YTHDC2: variants seen among roughly 807,000 people sequenced by gnomAD.
The protein encoded by YTHDC2 is YTH N6-methyladenosine RNA binding protein C2.
A neutral mutation model predicts 174.9 loss-of-function variants in YTHDC2; 45 were observed. The ratio of observed to expected loss-of-function variants is 0.26; its 90% CI spans 0.20 to 0.33. The LOEUF is 0.33. YTHDC2 is among the 10% of genes least tolerant of loss of function. The probability of loss-of-function intolerance (pLI) is 1.00; values close to 1 mark genes in which losing one functional copy is unlikely to be tolerated. For missense variants in YTHDC2, 1,650 were observed against 1,723.7 expected (o/e 0.96, Z 0.76); for synonymous variants, 657 against 574.5 (o/e 1.14, Z -2.05).
At chr5:113,573,686 A>G (rs1488838369) in intron 23 of YTHDC2, among the ~76,000 whole-genome samples, 1 of 151,416 alleles carries the variant, frequency 6.6e-6, no homozygotes, top group Non-Finnish European at 1.5e-5. Context: ...TTTTTTCTCT[A>G]TTCTTGTCTG....
chr5:113,556,336 C>T, intron 17 of YTHDC2: 2 of 372,614 alleles, frequency 5.4e-6, no homozygotes, highest in Non-Finnish European at 9.6e-6. Context: ...AAAACTTTTG[C>T]CTAGTTAAAT....
intron 23 of YTHDC2, among the ~76,000 whole-genome samples, chr5:113,572,807 T>C (rs1429623214): frequency 1.3e-5 from 2 of 152,176 alleles, no homozygotes; most frequent in Non-Finnish European, 2.9e-5. Flanking sequence ...TCCATTTGCT[T>C]GGTAAATTTT....
chr5:113,575,087 G>A (rs754877452), intron 23 of YTHDC2, among the ~76,000 whole-genome samples: 86 of 152,294 alleles, frequency 5.6e-4, no homozygotes, highest in Admixed American at 5.2e-4. Context: ...CCGAATGTGA[G>A]AACCTGGATA....
chr5:113,515,170 T>G (rs1773319049), intron 1 of YTHDC2, 102 bp from the exon 2 acceptor site: 1 of 686,260 alleles, frequency 1.5e-6, no homozygotes, highest in African/African-American at 1.8e-5. Flanking sequence ...TATAATAAAT[T>G]TGATTGTCTA....
Position 113,513,973 on chromosome 5 carries a change from C to T in YTHDC2, c.78C>T (p.Gly26=), listed in dbSNP as rs1159866035. 1.9e-6 allele frequency: 3 copies of T among 1,602,670 alleles called. No individual in the cohort carries two copies. Among genetic ancestry groups the T allele is most frequent in the East Asian group, 2.2e-5 (1 of 44,546 alleles). The stretch of plus-strand genomic sequence containing the variant: ...GAGGCGGCGGCCCCTCGCCTTGTGG[C>T]CCTGGGGGCGGCGGCCGGGCCAAGG... ...GGGGGGPSPC[G]PGGGGRAKGL... is the part of the protein sequence containing the mutation. Residue 26 remains glycine (G), a synonymous_variant, in exon 1 of 30, where the codon GGC becomes GGT. Coordinates refer to ENST00000161863, the MANE Select transcript of YTHDC2 (RefSeq NM_022828.5).
At chr5:113,516,548 T>C (rs899950854) in intron 2 of YTHDC2, among the ~76,000 whole-genome samples, 2 of 152,196 alleles carry the variant, frequency 1.3e-5, no homozygotes, top group Non-Finnish European at 2.9e-5. Flanking sequence ...TTGTGTACTG[T>C]AGGGTGTTTA....
At chr5:113,533,100 A>G (rs1774793797) in intron 5 of YTHDC2, 55 bp downstream of exon 5, 5 of 1,567,540 alleles carry the variant, frequency 3.2e-6, no homozygotes, top group African/African-American at 1.4e-5. Flanking sequence ...AAGACTATGT[A>G]TATTTCACTA....
chr5:113,561,441 T>TTATC (rs535162186), intron 18 of YTHDC2, among the ~76,000 whole-genome samples: 5,599 of 149,108 alleles, frequency 0.038, 166 homozygotes, highest in Middle Eastern at 0.059. Flanking sequence ...TATATATTTT[T>TTATC]TATCTATCTA....
intron 3 of YTHDC2, 71 bp from the exon 4 acceptor site, chr5:113,526,515 A>G: frequency 7.5e-7 from 1 of 1,340,224 alleles, no homozygotes; most frequent in Non-Finnish European, 1.0e-6. Context: ...TGGCAAAAAA[A>G]ATTACTTATT....
intron 26 of YTHDC2, among the ~76,000 whole-genome samples, chr5:113,589,990 A>G (rs1340830492): frequency 6.6e-6 from 1 of 152,068 alleles, no homozygotes; most frequent in African/African-American, 2.4e-5. Context: ...TTTATATTCC[A>G]TATGCACATG....
At chr5:113,554,923 A>AT (rs1776498332) in intron 16 of YTHDC2, among the ~76,000 whole-genome samples, 1 of 152,038 alleles carries the variant, frequency 6.6e-6, no homozygotes, top group African/African-American at 2.4e-5. Flanking sequence ...GTGGATAAAA[A>AT]TGATCGTTTT....
intron 26 of YTHDC2, among the ~76,000 whole-genome samples, chr5:113,587,493 AAT>A (rs1330368029): frequency 2.3e-5 from 3 of 132,748 alleles, no homozygotes; most frequent in East Asian, 4.2e-4. Context: ...GTATTCATAT[AAT>A]ATATATAATG....
chr5:113,576,041 G>C lies in YTHDC2; in HGVS notation c.3245-3545G>C, dbSNP rs111778031. On this transcript the variant is annotated intron_variant, in intron 23 of 29. Transcript: ENST00000161863. ...GAAAACGAAGGAGCAAGTCGTGTAG[G>C]GGAGAAATTAAGGGTTCTTTTTAGA... is the stretch of plus-strand genomic sequence containing the variant. 8.5e-3 allele frequency among the ~76,000 whole-genome samples: 1,286 copies of C among 152,180 alleles called. 9 individuals are homozygous for C. The highest frequency in any genetic ancestry group is 0.014 in the Non-Finnish European group (933 of 67,998).
intron 18 of YTHDC2, among the ~76,000 whole-genome samples, chr5:113,562,279 T>C (rs937457787): frequency 7.1e-6 from 1 of 141,614 alleles, no homozygotes; most frequent in East Asian, 2.1e-4. Context: ...TGTGTGTGGG[T>C]GTGTGTGTGT....
At chr5:113,560,061 CCTT>C (rs1776855781) in intron 17 of YTHDC2, among the ~76,000 whole-genome samples, 2 of 152,204 alleles carry the variant, frequency 1.3e-5, no homozygotes, top group African/African-American at 2.4e-5. Context: ...ACTAGAAAGT[CCTT>C]CTCCACCACA....
At chr5:113,549,476 A>G (rs1324490504) in intron 12 of YTHDC2, among the ~76,000 whole-genome samples, 4 of 152,016 alleles carry the variant, frequency 2.6e-5, no homozygotes, top group African/African-American at 9.7e-5. Context: ...TAGCTTTGAA[A>G]CTCCTTAGAG....
intron 23 of YTHDC2, among the ~76,000 whole-genome samples, chr5:113,569,696 A>G (rs1199005455): frequency 6.6e-6 from 1 of 152,010 alleles, no homozygotes; most frequent in African/African-American, 2.4e-5. Context: ...CTGTTCCATC[A>G]TTCTATGTGT....
chr5:113,556,750 C>G (rs2112687063), intron 17 of YTHDC2, among the ~76,000 whole-genome samples: 1 of 152,218 alleles, frequency 6.6e-6, no homozygotes, highest in Non-Finnish European at 1.5e-5. Context: ...AACTATTTAT[C>G]CAAATCTACT....
chr5:113,547,852 GT>G (rs935428851), intron 10 of YTHDC2, among the ~76,000 whole-genome samples: 4 of 152,012 alleles, frequency 2.6e-5, no homozygotes, highest in African/African-American at 9.7e-5. Context: ...ACTGTTGAGG[GT>G]TTTTTAAATG....
Sources: allele counts gnomAD v4.1 joint callset (sites outside exome capture counted in the v4.1 genomes callset), GRCh38; gene constraint gnomAD v4.1.1; transcripts MANE v1.5; gene names NCBI Gene and HGNC (gene_info 2026-07-23, HGNC 2026-07-21).